The following RIF1 variants were observed in gnomAD, a reference collection of about 807,000 sequenced individuals.
The protein encoded by RIF1 is replication timing regulatory factor 1, also known as telomere-associated protein RIF1.
A neutral mutation model predicts 247.1 loss-of-function variants in RIF1; 45 were observed. The observed-to-expected ratio is 0.18, with a 90% CI of 0.14 to 0.23. The LOEUF (loss-of-function observed/expected upper bound fraction) is 0.23, where lower values mean the gene tolerates loss of function less well. Ranked by LOEUF, RIF1 falls within the 10% of genes least tolerant of loss-of-function variation. RIF1 has a pLI of 1.00. For synonymous variants in RIF1, 1,087 were observed against 978.8 expected, an observed-to-expected ratio of 1.11 and a Z score of -2.06; for missense variants, 2,967 against 2,862.5, an observed-to-expected ratio of 1.04 and a Z score of -0.83.
intron 20 of RIF1, among the ~76,000 whole-genome samples, chr2:151,447,630 C>CCGCCTTCTGGGTTCAAG (rs1220121179): frequency 5.9e-5 from 9 of 152,112 alleles, no homozygotes; most frequent in Non-Finnish European, 1.3e-4. Flanking sequence ...ACTGCAGCCT[C>CCGCCTTCTGGGTTCAAG]CGCCTTCTGG....
At position 151,496,375 on chromosome 2, in the gene RIF1, G is replaced by A. The variant is rs747680930; in HGVS notation, c.*513+1049G>A. ...TGTTTTCTTTGTATAACACCTGTGC[G>A]ATGAGAAAGCATCCAGAAAAACAAC... On this transcript the variant is annotated intron_variant and NMD_transcript_variant, in intron 10 of 13. Transcript: ENST00000454583. 1.0e-5 allele frequency: 16 copies of A among 1,600,704 alleles called. No individual in the cohort carries two copies. The highest frequency in any genetic ancestry group is 6.8e-5 in the Admixed American group (4 of 58,566).
chr2:151,420,062 A>T lies in RIF1; in HGVS notation c.504-128A>T. On this transcript the variant is annotated intron_variant, in intron 6 of 35. Transcript: ENST00000444746. The stretch of plus-strand genomic sequence containing the variant: ...AATAAGATCTATTTCTTGTGTGTAT[A>T]TGCATATTTGTATATATTCTAAAAC... 4.2e-6 allele frequency: 3 copies of T among 722,462 alleles called. No individual in the cohort carries two copies. In the South Asian group the frequency reaches 7.4e-5, roughly 18 times the overall value. The allele number at this position is 722,462 out of a possible 1,614,324, so 44.8% of individuals were successfully genotyped here. A position where few individuals can be genotyped will look rare whatever the true frequency, so the allele number is the denominator to read the frequency against.
chr2:151,421,692 G>A (rs1396185875), intron 7 of RIF1, among the ~76,000 whole-genome samples: 1 of 152,126 alleles, frequency 6.6e-6, no homozygotes, highest in Admixed American at 6.6e-5. Context: ...TGACAGGCGT[G>A]AGCCACCACA....
At position 151,446,501 on chromosome 2, in the gene RIF1, A is replaced by G; in HGVS notation, c.2170A>G (p.Thr724Ala). Reference protein sequence around the residue: ...AFARCAALVATAEENLCCEEL... With the variant: ...AFARCAALVAAAEENLCCEEL... Reference sequence around the variant, plus strand: ...TGCTCGTTGTGCTGCTTTGGTGGCAACAGCAGAAGAGAACTTGTGCTGTGA... The same window carrying G: ...TGCTCGTTGTGCTGCTTTGGTGGCAGCAGCAGAAGAGAACTTGTGCTGTGA... The change falls in exon 20 of 36, where the codon ACA (threonine) becomes GCA (alanine). Residue 724 changes from threonine (T) to alanine (A), a missense_variant. Around this residue, in one of 7 missense-constraint regions of RIF1, gnomAD observed 76 missense variants for 113.3 expected, o/e 0.67. Coordinates refer to ENST00000444746, the MANE Select transcript of RIF1 (RefSeq NM_018151.5). 1 of 1,613,898 alleles carries G rather than the reference A, an allele frequency of 6.2e-7. No individual in the cohort carries two copies. The highest frequency in any genetic ancestry group is 1.6e-4 in the Middle Eastern group (1 of 6,062).
At chr2:151,489,869 A>G (rs1055313130) in intron 9 of RIF1, 2 of 768,246 alleles carry the variant, frequency 2.6e-6, no homozygotes, top group African/African-American at 1.8e-5. Flanking sequence ...TATAAAATAG[A>G]AGGTTTGGTT....
At chr2:151,520,934 T>C in the RIF1 span, among the ~76,000 whole-genome samples, 2 of 152,192 alleles carry the variant, frequency 1.3e-5, no homozygotes, top group African/African-American at 4.8e-5. Context: ...CATCTCCTAA[T>C]TGAAAAACAA....
At chr2:151,427,102 G>A (rs13426557) in intron 8 of RIF1, among the ~76,000 whole-genome samples, 2,291 of 151,760 alleles carry the variant, frequency 0.015, 69 homozygotes, top group African/African-American at 0.052. Flanking sequence ...CCGGTTTATA[G>A]CCTGTTAAGA....
intron 21 of RIF1, among the ~76,000 whole-genome samples, chr2:151,454,281 ATTC>A (rs746723102): frequency 5.3e-5 from 8 of 152,178 alleles, no homozygotes; most frequent in Non-Finnish European, 8.8e-5. Context: ...ATGTGGGTTT[ATTC>A]TTCTAGGTAG....
In RIF1 at chr2:151,480,242, C is replaced by CT. The variant is rs1236363920; in HGVS notation, c.*5172dup. Reference sequence around the variant, plus strand: ...TGATGTCACAAGTAAGAAAAAAACTCTAACTTTTGTACTCTACTTGTAGCA... The same window carrying CT: ...TGATGTCACAAGTAAGAAAAAAACTCTTAACTTTTGTACTCTACTTGTAGCA... On this transcript the variant is annotated 3_prime_UTR_variant, in exon 36 of 36. Transcript: ENST00000444746. 6.6e-6 allele frequency: 1 copy of CT among 152,142 alleles called. No homozygotes were observed. Among genetic ancestry groups the CT allele is most frequent in the Admixed American group, 6.6e-5 (1 of 15,266 alleles). 9.4% of individuals were successfully genotyped at this position (152,142 alleles called of 1,614,324 possible).
Position 151,464,353 on chromosome 2 carries a change from T to C in RIF1, c.4833T>C (p.Asp1611=), listed in dbSNP as rs1696608486. 1.2e-6 allele frequency: 2 copies of C among 1,610,788 alleles called. No individual in the cohort carries two copies. Among genetic ancestry groups the C allele is most frequent in the African/African-American group, 1.3e-5 (1 of 74,654 alleles). ...SHDYKATSEE[D]VSIKSPICEK... ...ATTATAAAGCAACTTCTGAAGAAGA[T>C]GTAAGCATAAAATCTCCGATTTGCG... The change falls in exon 30 of 36, where the codon GAT becomes GAC. Residue 1611 remains aspartate, a synonymous_variant. Transcript: ENST00000444746.
chr2:151,496,223 T>TAAAA (rs964979827), intron 10 of RIF1: 1 of 1,461,548 alleles, frequency 6.8e-7, no homozygotes, highest in African/African-American at 1.4e-5. Context: ...TTTTAAATCA[T>TAAAA]AAAAGTAGTT....
intron 22 of RIF1, among the ~76,000 whole-genome samples, chr2:151,455,801 T>C (rs1365261080): frequency 6.6e-6 from 1 of 152,180 alleles, no homozygotes; most frequent in African/African-American, 2.4e-5. Flanking sequence ...ACCCCATGGA[T>C]ACTGAGGGAT....
intron 6 of RIF1, 116 bp downstream of exon 6, chr2:151,417,017 A>C: frequency 5.7e-6 from 4 of 705,056 alleles, no homozygotes; most frequent in South Asian, 5.7e-5. Context: ...TGTCATTTAC[A>C]CCAAACGACT....
chr2:151,478,476 A>C lies in RIF1; in HGVS notation c.*3405A>C, dbSNP rs2152562259. 1 of 139,748 alleles carries C rather than the reference A, an allele frequency of 7.2e-6. No homozygotes were observed. Among genetic ancestry groups the C allele is most frequent in the South Asian group, 2.3e-4 (1 of 4,358 alleles). The allele number at this position is 139,748 out of a possible 1,614,324, so 8.7% of individuals were successfully genotyped here. A position where few individuals can be genotyped will look rare whatever the true frequency, so the allele number is the denominator to read the frequency against. On this transcript the variant is annotated 3_prime_UTR_variant, in exon 36 of 36. Coordinates refer to ENST00000444746, the MANE Select transcript of RIF1 (RefSeq NM_018151.5). The stretch of plus-strand genomic sequence containing the variant: ...GCGACAGAGCAAGTCTCTGTCTCGC[A>C]AAAAAAAAAAAAAAGTTTAATTCTA...
intron 3 of RIF1, among the ~76,000 whole-genome samples, chr2:151,413,049 C>G (rs1020056257): frequency 2.1e-5 from 3 of 144,582 alleles, no homozygotes; most frequent in African/African-American, 7.6e-5. Flanking sequence ...CTATTGCATA[C>G]TTTTTTTTTT....
intron 23 of RIF1, among the ~76,000 whole-genome samples, chr2:151,457,424 A>G (rs1228108436): frequency 6.6e-6 from 1 of 152,180 alleles, no homozygotes; most frequent in African/African-American, 2.4e-5. Flanking sequence ...AGCCCAGCCT[A>G]GTTAATCAAC....
the RIF1 span, chr2:151,525,873 A>G: frequency 9.7e-7 from 1 of 1,032,134 alleles, no homozygotes; most frequent in Admixed American, 1.7e-5. Flanking sequence ...ACATAAAGGA[A>G]GCAAAAGGCA....
chr2:151,418,851 G>A (rs773029219), intron 6 of RIF1, among the ~76,000 whole-genome samples: 2 of 151,812 alleles, frequency 1.3e-5, no homozygotes, highest in African/African-American at 2.4e-5. Context: ...CTCCAGCTTG[G>A]GTGACAGAGT....
At chr2:151,513,474 G>A in the RIF1 span, 2 of 778,600 alleles carry the variant, frequency 2.6e-6, no homozygotes, top group East Asian at 2.7e-5. Context: ...GAATGCCATT[G>A]TATGCATGTG....
Sources: allele counts gnomAD v4.1 joint callset (sites outside exome capture counted in the v4.1 genomes callset), GRCh38; gene constraint gnomAD v4.1.1; regional missense constraint gnomAD v4.1.1; transcripts MANE v1.5; gene names NCBI Gene and HGNC (gene_info 2026-07-23, HGNC 2026-07-21).